AGO3: variants seen among roughly 807,000 people sequenced by gnomAD.
AGO3 encodes argonaute RISC catalytic component 3, also known as protein argonaute-3.
Under a neutral mutation model 105.5 loss-of-function variants are expected in AGO3, and 16 were observed. That is an observed-to-expected ratio of 0.15 (90% CI 0.10 to 0.23). The LOEUF (loss-of-function observed/expected upper bound fraction) is 0.23. Ranked by LOEUF, AGO3 falls within the 10% of genes least tolerant of loss-of-function variation. AGO3 has a pLI of 1.00. For synonymous variants in AGO3, 340 were observed against 367.3 expected (o/e 0.93, Z 0.85); for missense variants, 534 against 1,088.0 (o/e 0.49, Z 7.16).
chr1:36,000,852 T>A (rs905490399), intron 5 of AGO3, among the ~76,000 whole-genome samples: 3 of 152,024 alleles, frequency 2.0e-5, no homozygotes, highest in Admixed American at 2.0e-4. Context: ...CTCTCTTTTT[T>A]TTTTAATTAG....
intron 13 of AGO3, among the ~76,000 whole-genome samples, chr1:36,035,224 CTT>C (rs1047020691): frequency 1.3e-5 from 2 of 152,006 alleles, no homozygotes; most frequent in Non-Finnish European, 2.9e-5. Context: ...CATGGTGAAA[CTT>C]TATCTCTACA....
At chr1:36,021,531 C>G (rs1641223559) in intron 11 of AGO3, among the ~76,000 whole-genome samples, 1 of 152,066 alleles carries the variant, frequency 6.6e-6, no homozygotes, top group Non-Finnish European at 1.5e-5. Context: ...TTATTTGACA[C>G]TGTTTCTCAT....
chr1:35,947,448 G>A (rs1048142934), intron 2 of AGO3, among the ~76,000 whole-genome samples: 6 of 152,172 alleles, frequency 3.9e-5, no homozygotes, highest in African/African-American at 1.4e-4. Flanking sequence ...CACTTCCATT[G>A]TGGTGTTTTT....
Position 35,931,108 on chromosome 1 carries a change from TCGG to T in AGO3, c.-308_-306del. ...AGCTTCCGGGGCGGCCCCGGGCAGG[TCGG>T]CGGCGGCGGCCCGCAGTCGTGGAGG... is the stretch of plus-strand genomic sequence containing the variant. On this transcript the variant is annotated 5_prime_UTR_variant, in exon 1 of 19. Coordinates refer to ENST00000373191, the MANE Select transcript of AGO3 (RefSeq NM_024852.4). 5.6e-6 allele frequency: 2 copies of T among 354,602 alleles called. No homozygotes were observed. Among genetic ancestry groups the T allele is most frequent in the Non-Finnish European group, 1.0e-5 (2 of 200,492 alleles). 22.0% of individuals were successfully genotyped at this position (354,602 alleles called of 1,614,324 possible). A position where few individuals can be genotyped will look rare whatever the true frequency, so the allele number is the denominator to read the frequency against.
At chr1:36,043,399 AT>A in intron 16 of AGO3, 47 bp from the exon 17 acceptor site, 1 of 1,477,950 alleles carries the variant, frequency 6.8e-7, no homozygotes, top group Non-Finnish European at 9.4e-7. Flanking sequence ...TTTCAGATAT[AT>A]TTTTACCTTT....
intron 1 of AGO3, among the ~76,000 whole-genome samples, chr1:35,944,436 A>G (rs570889665): frequency 2.6e-5 from 4 of 151,792 alleles, no homozygotes; most frequent in Admixed American, 2.0e-4. Flanking sequence ...ACACAATGTA[A>G]TGTCTTCAGT....
intron 1 of AGO3, among the ~76,000 whole-genome samples, chr1:35,934,414 A>G (rs951129549): frequency 7.2e-5 from 11 of 152,200 alleles, no homozygotes; most frequent in Non-Finnish European, 1.5e-5. Flanking sequence ...ACACTTTTAA[A>G]TTCATGTCTG....
intron 9 of AGO3, among the ~76,000 whole-genome samples, chr1:36,011,182 G>A (rs1319738982): frequency 1.3e-5 from 2 of 151,968 alleles, no homozygotes; most frequent in Non-Finnish European, 2.9e-5. Context: ...AAAAAAATCT[G>A]GAAATATGAA....
intron 11 of AGO3, among the ~76,000 whole-genome samples, chr1:36,024,586 T>C (rs963506558): frequency 2.6e-5 from 4 of 152,208 alleles, no homozygotes; most frequent in African/African-American, 9.6e-5. Flanking sequence ...GAAATTCGGC[T>C]GTCATGAAAG....
rs1444862234 is a variant in AGO3, at chr1:36,027,114, G to A, written c.1407G>A (p.Lys469=). The A allele has an allele frequency of 6.2e-7, 1 of 1,610,974 alleles. No individual in the cohort carries two copies. The highest frequency in any genetic ancestry group is 1.3e-5 in the African/African-American group (1 of 74,748). Residue 469 remains lysine (K), a splice_region_variant and synonymous_variant, in exon 12 of 19, where the codon AAG becomes AAA. Transcript: ENST00000373191. The surrounding 1 kb of genome is among the most constrained non-coding windows in gnomAD (Gnocchi z 4.0). ...TQRQCREEIL[K]GFTDQLRKIS... ...TATATTTAGTGGTTTCTCCTTCCAGGGGTTTCACAGACCAGCTGCGTAAGA... is the reference window on the plus strand; with the variant it reads ...TATATTTAGTGGTTTCTCCTTCCAGAGGTTTCACAGACCAGCTGCGTAAGA...
At chr1:36,011,380 T>C (rs1051447226) in intron 9 of AGO3, among the ~76,000 whole-genome samples, 15 of 152,200 alleles carry the variant, frequency 9.9e-5, no homozygotes, top group Admixed American at 6.5e-4. Flanking sequence ...TTGACTCTTC[T>C]GTAAAGAGTC....
At chr1:35,939,771 T>C (rs1056579302) in intron 1 of AGO3, among the ~76,000 whole-genome samples, 1 of 152,138 alleles carries the variant, frequency 6.6e-6, no homozygotes, top group African/African-American at 2.4e-5. Flanking sequence ...ATAGAGAATT[T>C]AGGATGTATA....
intron 1 of AGO3, among the ~76,000 whole-genome samples, chr1:35,933,640 CAAAAAAAAA>C (rs34254758): frequency 9.9e-4 from 31 of 31,428 alleles, no homozygotes; most frequent in Admixed American, 2.0e-3. Context: ...GACCCTGTCT[CAAAAAAAAA>C]AAAAAAAAAA....
At chr1:35,993,742 T>A (rs1052503935) in intron 5 of AGO3, among the ~76,000 whole-genome samples, 1 of 131,096 alleles carries the variant, frequency 7.6e-6, no homozygotes, top group Non-Finnish European at 1.6e-5. Flanking sequence ...CCCCTGCTTT[T>A]TTTTTTTTTT....
chr1:35,986,181 G>T (rs182084832), intron 5 of AGO3, among the ~76,000 whole-genome samples: 3 of 152,296 alleles, frequency 2.0e-5, no homozygotes, highest in Admixed American at 6.5e-5. Context: ...AAGAGATGAA[G>T]TAAAGATGAA....
At position 36,013,617 on chromosome 1, in the gene AGO3, T is replaced by C. The variant is rs777006267; in HGVS notation, c.1150-13T>C. On this transcript the variant is annotated splice_polypyrimidine_tract_variant and intron_variant, in intron 9 of 18. Coordinates refer to ENST00000373191, the MANE Select transcript of AGO3 (RefSeq NM_024852.4). ...GAATTTTGAGAGTAACTACAAACTTTTTCTATTTTTAGGTAAGAAGTGCAA... is the reference window on the plus strand; with the variant it reads ...GAATTTTGAGAGTAACTACAAACTTCTTCTATTTTTAGGTAAGAAGTGCAA... 1.2e-6 allele frequency: 2 copies of C among 1,612,510 alleles called. No homozygotes were observed. The highest frequency in any genetic ancestry group is 1.7e-6 in the Non-Finnish European group (2 of 1,178,960).
At chr1:36,006,531 G>A (rs1640341724) in intron 6 of AGO3, among the ~76,000 whole-genome samples, 1 of 151,986 alleles carries the variant, frequency 6.6e-6, no homozygotes, top group African/African-American at 2.4e-5. Flanking sequence ...GCTAAGTGGT[G>A]CAAATAACAG....
chr1:35,945,069 C>T (rs1436367157), intron 1 of AGO3, among the ~76,000 whole-genome samples: 3 of 152,112 alleles, frequency 2.0e-5, no homozygotes, highest in Non-Finnish European at 1.5e-5. Flanking sequence ...CTCCCAGAGT[C>T]CCAAAGTGCT....
At position 36,027,837 on chromosome 1, in the gene AGO3, G is replaced by T. The variant is rs1641579664; in HGVS notation, c.1591+539G>T. On this transcript the variant is annotated intron_variant, in intron 12 of 18. Coordinates refer to ENST00000373191, the MANE Select transcript of AGO3 (RefSeq NM_024852.4). The surrounding 1 kb of genome is among the most constrained non-coding windows in gnomAD (Gnocchi z 4.0). ...GAGGCATTACATAACAATGGCTAAA[G>T]AAAGAATTATTGAATAAAAATGGCA... is the stretch of plus-strand genomic sequence containing the variant. 6.6e-6 allele frequency among the ~76,000 whole-genome samples: 1 copy of T among 151,582 alleles called. No individual in the cohort carries two copies. Among genetic ancestry groups the T allele is most frequent in the Non-Finnish European group, 1.5e-5 (1 of 67,924 alleles).
Sources: gnomAD v4.1 joint callset for allele counts (sites outside exome capture counted in the v4.1 genomes callset) on GRCh38, gnomAD v4.1.1 for gene constraint, Gnocchi (gnomAD v3.1) non-coding constraint, MANE v1.5 for transcripts, NCBI Gene and HGNC (gene_info 2026-07-23, HGNC 2026-07-21) for gene names.